IL1R1: variants seen among roughly 807,000 people sequenced by gnomAD.
The protein encoded by IL1R1 is interleukin 1 receptor type 1.
A neutral mutation model predicts 50.2 loss-of-function variants in IL1R1; 22 were observed. That is an observed-to-expected ratio of 0.44 (90% CI 0.31 to 0.63). The LOEUF (loss-of-function observed/expected upper bound fraction) is 0.63, where lower values mean the gene tolerates loss of function less well. Ranked by LOEUF, IL1R1 falls within the 20% of genes least tolerant of loss-of-function variation. The pLI is 0.07. For missense variants in IL1R1, 509 were observed against 676.2 expected (o/e 0.75, Z 2.74); for synonymous variants, 251 against 236.7 (o/e 1.06, Z -0.55).
upstream of IL1R1, among the ~76,000 whole-genome samples, chr2:102,137,879 G>A (rs1410459070): frequency 6.6e-6 from 1 of 152,078 alleles, no homozygotes; most frequent in African/African-American, 2.4e-5. Flanking sequence ...AAGGTTGAAA[G>A]GCTCCAACAC....
intron 1 of IL1R1, among the ~76,000 whole-genome samples, chr2:102,148,495 C>T (rs1559488485): frequency 6.6e-6 from 1 of 152,250 alleles, no homozygotes; most frequent in Non-Finnish European, 1.5e-5. Flanking sequence ...TCCAAAGCAG[C>T]CCACTGCAAG....
intron 1 of IL1R1, among the ~76,000 whole-genome samples, chr2:102,152,701 G>A (rs1683798152): frequency 6.6e-6 from 1 of 151,740 alleles, no homozygotes; most frequent in East Asian, 1.9e-4. Flanking sequence ...ATACTCACAG[G>A]GGTCAGTCAG....
chr2:102,097,455 T>G (rs1679953763), intron 1 of IL1R1, among the ~76,000 whole-genome samples: 1 of 152,192 alleles, frequency 6.6e-6, no homozygotes, highest in African/African-American at 2.4e-5. Flanking sequence ...ATCTCTTAAT[T>G]GCTAAAGCTT....
At chr2:102,175,875 C>G (rs1686085543) in intron 11 of IL1R1, 2 of 602,178 alleles carry the variant, frequency 3.3e-6, no homozygotes, top group Non-Finnish European at 5.9e-6. Context: ...AACTTAATGA[C>G]TAGTTAAACC....
chr2:102,147,392 G>A (rs1232176588), intron 1 of IL1R1, among the ~76,000 whole-genome samples: 1 of 152,224 alleles, frequency 6.6e-6, no homozygotes, highest in Non-Finnish European at 1.5e-5. Flanking sequence ...GGGAGGCAGT[G>A]CTCCAGGGAG....
intron 7 of IL1R1, among the ~76,000 whole-genome samples, chr2:102,171,102 A>G (rs1000436574): frequency 6.6e-6 from 1 of 152,210 alleles, no homozygotes; most frequent in Non-Finnish European, 1.5e-5. Flanking sequence ...GAGGGATAAC[A>G]GTTTTTAAAA....
At chr2:102,106,896 A>G (rs1051363004) in intron 1 of IL1R1, among the ~76,000 whole-genome samples, 18 of 152,194 alleles carry the variant, frequency 1.2e-4, no homozygotes, top group African/African-American at 4.3e-4. Flanking sequence ...CAGTACTACA[A>G]CTATGTTCTT....
intron 3 of IL1R1, among the ~76,000 whole-genome samples, chr2:102,160,593 C>T (rs1208703948): frequency 6.6e-6 from 1 of 152,040 alleles, no homozygotes. Flanking sequence ...AGATGGTACC[C>T]CACTCACCTC....
At chr2:102,161,430 C>T (rs887058294) in intron 3 of IL1R1, among the ~76,000 whole-genome samples, 1 of 152,134 alleles carries the variant, frequency 6.6e-6, no homozygotes, top group African/African-American at 2.4e-5. Context: ...GAATTTTCTG[C>T]AAATATCAAT....
At chr2:102,134,997 A>G (rs1354786690) in intron 1 of IL1R1, among the ~76,000 whole-genome samples, 1 of 152,208 alleles carries the variant, frequency 6.6e-6, no homozygotes, top group East Asian at 1.9e-4. Context: ...GTTATTTACA[A>G]GCACACAGCT....
chr2:102,110,100 T>C (rs1223186459), intron 1 of IL1R1, among the ~76,000 whole-genome samples: 1 of 152,238 alleles, frequency 6.6e-6, no homozygotes, highest in Non-Finnish European at 1.5e-5. Context: ...CTTCCCTTTC[T>C]GCAGACGCTT....
chr2:102,121,367 C>G (rs1421775410), intron 1 of IL1R1, among the ~76,000 whole-genome samples: 1 of 152,206 alleles, frequency 6.6e-6, no homozygotes, highest in Non-Finnish European at 1.5e-5. Context: ...CCAGAGGCAG[C>G]CCTTGCAGCT....
chr2:102,139,786 C>G (rs1488280071), upstream of IL1R1, among the ~76,000 whole-genome samples: 2 of 152,226 alleles, frequency 1.3e-5, no homozygotes, highest in Non-Finnish European at 2.9e-5. Flanking sequence ...TTTCCTGAGG[C>G]CTCCTCAGAA....
upstream of IL1R1, among the ~76,000 whole-genome samples, chr2:102,100,277 C>G (rs1006866922): frequency 6.6e-6 from 1 of 152,196 alleles, no homozygotes; most frequent in South Asian, 2.1e-4. Context: ...TCTGTACTCT[C>G]CACAATTGAA....
chr2:102,150,729 T>C (rs753402778), intron 1 of IL1R1, among the ~76,000 whole-genome samples: 11 of 152,126 alleles, frequency 7.2e-5, no homozygotes, highest in Non-Finnish European at 1.6e-4. Flanking sequence ...GCCTAGGCCT[T>C]GGGTCACCCT....
intron 3 of IL1R1, among the ~76,000 whole-genome samples, chr2:102,162,948 A>G (rs1684859525): frequency 6.6e-6 from 1 of 152,134 alleles, no homozygotes; most frequent in East Asian, 1.9e-4. Context: ...ACTGGTGATG[A>G]CATTTTACAG....
intron 1 of IL1R1, among the ~76,000 whole-genome samples, chr2:102,115,552 G>A (rs1681023216): frequency 6.6e-6 from 1 of 152,184 alleles, no homozygotes; most frequent in Admixed American, 6.5e-5. Flanking sequence ...GCAATGCAAA[G>A]TAGGGGCTGC....
At chr2:102,107,836 T>G (rs1680507426) in intron 1 of IL1R1, among the ~76,000 whole-genome samples, 2 of 152,338 alleles carry the variant, frequency 1.3e-5, no homozygotes, top group Middle Eastern at 3.4e-3. Flanking sequence ...ACCTAATTTC[T>G]GAGGACTTTG....
intron 1 of IL1R1, among the ~76,000 whole-genome samples, chr2:102,115,779 A>G (rs1169846350): frequency 6.6e-6 from 1 of 152,212 alleles, no homozygotes; most frequent in African/African-American, 2.4e-5. Context: ...CACGAGCAAG[A>G]AAAGAGGTAG....
Sources: allele counts gnomAD v4.1 joint callset (sites outside exome capture counted in the v4.1 genomes callset), GRCh38; gene constraint gnomAD v4.1.1; transcripts MANE v1.5; gene names NCBI Gene and HGNC (gene_info 2026-07-23, HGNC 2026-07-21).